PRKN: variants seen among roughly 807,000 people sequenced by gnomAD.
PRKN encodes parkin RBR E3 ubiquitin protein ligase.
In PRKN, 56 loss-of-function variants were observed where a neutral mutation model predicts 59.5. The observed-to-expected ratio is 0.94, with a 90% CI of 0.76 to 1.18. PRKN has a LOEUF of 1.18. Ranked by LOEUF, PRKN falls within the 50% of genes most tolerant of loss-of-function variation. PRKN has a pLI of 0.00. For synonymous variants in PRKN, 250 were observed against 222.1 expected, an observed-to-expected ratio of 1.13 and a Z score of -1.12; for missense variants, 657 against 596.4, an observed-to-expected ratio of 1.10 and a Z score of -1.06.
chr6:162,707,869 C>A (rs2849521), intron 1 of PRKN, among the ~76,000 whole-genome samples: 3 of 152,072 alleles, frequency 2.0e-5, no homozygotes, highest in Admixed American at 6.5e-5. Context: ...CATAAGCCAC[C>A]ATACCTGGCT....
intron 1 of PRKN, among the ~76,000 whole-genome samples, chr6:162,462,449 A>G (rs747451471): frequency 1.3e-5 from 2 of 152,134 alleles, no homozygotes; most frequent in East Asian, 3.9e-4. Context: ...AAAACATCAG[A>G]CCTATTTCAT....
chr6:161,412,071 TTCAC>T (rs1009658418), intron 9 of PRKN, among the ~76,000 whole-genome samples: 11 of 134,820 alleles, frequency 8.2e-5, no homozygotes, highest in Admixed American at 8.0e-4. Context: ...CATTCCTCCA[TTCAC>T]TCATTCCTTC....
At chr6:161,523,298 T>G (rs1211326789) in intron 9 of PRKN, among the ~76,000 whole-genome samples, 6 of 152,248 alleles carry the variant, frequency 3.9e-5, no homozygotes, top group Non-Finnish European at 8.8e-5. Flanking sequence ...CAATATCTAC[T>G]GATACATCAG....
At chr6:161,757,921 ATC>A (rs1305016670) in intron 7 of PRKN, among the ~76,000 whole-genome samples, 2 of 119,900 alleles carry the variant, frequency 1.7e-5, no homozygotes, top group African/African-American at 3.2e-5. Flanking sequence ...ACACACACAC[ATC>A]TCTCTCTCTG....
chr6:162,400,277 A>C (rs375065931), intron 2 of PRKN, among the ~76,000 whole-genome samples: 1 of 151,944 alleles, frequency 6.6e-6, no homozygotes, highest in Non-Finnish European at 1.5e-5. Flanking sequence ...TGGAAATAAC[A>C]CTTTGTAATA....
At chr6:162,289,206 C>G (rs1022861885) in intron 2 of PRKN, among the ~76,000 whole-genome samples, 3 of 152,124 alleles carry the variant, frequency 2.0e-5, no homozygotes, top group Non-Finnish European at 4.4e-5. Context: ...GCTCTCCTTC[C>G]TTGTAGATAT....
At chr6:162,196,231 GACTT>G (rs1784491902) in intron 4 of PRKN, among the ~76,000 whole-genome samples, 1 of 152,096 alleles carries the variant, frequency 6.6e-6, no homozygotes, top group Non-Finnish European at 1.5e-5. Context: ...CCAAGGGACA[GACTT>G]ACCATTGCCA....
chr6:162,003,329 T>C (rs1298306798), intron 5 of PRKN, among the ~76,000 whole-genome samples: 2 of 152,166 alleles, frequency 1.3e-5, no homozygotes, highest in African/African-American at 4.8e-5. Context: ...CACCACCTCT[T>C]GTTCTTAAAC....
intron 7 of PRKN, among the ~76,000 whole-genome samples, chr6:161,570,124 T>TA (rs55699586): frequency 0.013 from 672 of 51,358 alleles, 10 homozygotes; most frequent in African/African-American, 0.029. Flanking sequence ...AGTAAATAGG[T>TA]AAAAAAAAAA....
chr6:162,115,702 G>GA (rs11417858), intron 4 of PRKN, among the ~76,000 whole-genome samples: 22,311 of 151,806 alleles, frequency 0.15, 1,996 homozygotes, highest in African/African-American at 0.25. Context: ...CTAAACCCAT[G>GA]AAAAAAATCA....
At chr6:162,289,654 T>A (rs1305393739) in intron 2 of PRKN, among the ~76,000 whole-genome samples, 4 of 150,088 alleles carry the variant, frequency 2.7e-5, no homozygotes, top group Non-Finnish European at 4.4e-5. Flanking sequence ...CCGAGATAAC[T>A]CTAGCCTCAG....
At chr6:162,134,107 G>T (rs944855918) in intron 4 of PRKN, among the ~76,000 whole-genome samples, 1 of 152,118 alleles carries the variant, frequency 6.6e-6, no homozygotes, top group Non-Finnish European at 1.5e-5. Flanking sequence ...TATATGGTAG[G>T]TGTTATCACT....
intron 6 of PRKN, among the ~76,000 whole-genome samples, chr6:161,964,647 C>G (rs1361919735): frequency 2.0e-5 from 3 of 152,014 alleles, no homozygotes; most frequent in Non-Finnish European, 4.4e-5. Context: ...ATATATAGCT[C>G]TGTGTGCACA....
At position 161,904,308 on chromosome 6, in the gene PRKN, G is replaced by GTTTT. The variant is rs770741689; in HGVS notation, c.734+68993_734+68994insAAAA. Among the ~76,000 whole-genome samples, 23 of 114,466 alleles carry GTTTT rather than the reference G, an allele frequency of 2.0e-4. 1 individual carries two copies. Among genetic ancestry groups the GTTTT allele is most frequent in the South Asian group, 5.3e-4 (2 of 3,794 alleles). 75.1% of individuals were successfully genotyped at this position (114,466 alleles called of 152,430 possible). On this transcript the variant is annotated intron_variant, in intron 6 of 11. Transcript: ENST00000366898. The stretch of plus-strand genomic sequence containing the variant: ...TGTTGGCTTGTTTTCGAATTTGTGG[G>GTTTT]GTTTTTTTTTTTTTTTTTTTTTTTT...
At chr6:162,013,274 T>TC (rs1407858230) in intron 5 of PRKN, among the ~76,000 whole-genome samples, 3 of 152,134 alleles carry the variant, frequency 2.0e-5, no homozygotes, top group Non-Finnish European at 2.9e-5. Flanking sequence ...GATACTCAAT[T>TC]CCCCTAGAGT....
At chr6:161,633,807 C>T (rs140636132) in intron 7 of PRKN, among the ~76,000 whole-genome samples, 92 of 152,188 alleles carry the variant, frequency 6.0e-4, no homozygotes, top group African/African-American at 7.9e-4. Context: ...TCATTCCACT[C>T]GATTTTTCTA....
In PRKN at chr6:162,300,843, A is replaced by G. The variant is rs556551506; in HGVS notation, c.172-38078T>C. Among the ~76,000 whole-genome samples, 12 of 152,204 alleles carry G rather than the reference A, an allele frequency of 7.9e-5. No individual in the cohort carries two copies. In the East Asian group the frequency reaches 2.3e-3, roughly 29 times the overall value. On this transcript the variant is annotated intron_variant, in intron 2 of 11. Coordinates refer to ENST00000366898, the MANE Select transcript of PRKN (RefSeq NM_004562.3). ...AGACAACCTACCAACAACCATTAAC[A>G]ACCTTGTCTTCAACCTATACATTAA...
At chr6:162,685,690 C>T (rs1779943079) in intron 1 of PRKN, among the ~76,000 whole-genome samples, 1 of 152,166 alleles carries the variant, frequency 6.6e-6, no homozygotes, top group Admixed American at 6.5e-5. Context: ...CTTTCGTATG[C>T]TCACCACTAC....
intron 4 of PRKN, among the ~76,000 whole-genome samples, chr6:162,122,524 C>T (rs1439168465): frequency 6.6e-6 from 1 of 152,174 alleles, no homozygotes; most frequent in African/African-American, 2.4e-5. Context: ...ATGGCACTCA[C>T]ACACATGCTT....
Sources: allele counts gnomAD v4.1 joint callset (sites outside exome capture counted in the v4.1 genomes callset), GRCh38; gene constraint gnomAD v4.1.1; transcripts MANE v1.5; gene names NCBI Gene and HGNC (gene_info 2026-07-23, HGNC 2026-07-21).